SPDYE12: variants seen among roughly 807,000 people sequenced by gnomAD.
The protein encoded by SPDYE12 is speedy/RINGO cell cycle regulator family member E12.
chr7:74,909,184 G>A, the SPDYE12 span, among the ~76,000 whole-genome samples: 31 of 150,170 alleles, frequency 2.1e-4, no homozygotes, highest in Admixed American at 2.1e-3. Context: ...CTCCCAAGTA[G>A]CTTGGATTAC....
the SPDYE12 span, among the ~76,000 whole-genome samples, chr7:74,904,707 C>T: frequency 3.3e-5 from 5 of 150,378 alleles, 1 homozygote; most frequent in Admixed American, 2.0e-4. Context: ...GTTATAACAC[C>T]CATCACACAG....
At chr7:74,908,760 G>A in the SPDYE12 span, among the ~76,000 whole-genome samples, 4 of 119,076 alleles carry the variant, frequency 3.4e-5, no homozygotes, top group Admixed American at 1.1e-4. Flanking sequence ...TGCAAGCTCC[G>A]CCTCCCAGGT....
chr7:74,907,874 A>G, the SPDYE12 span, among the ~76,000 whole-genome samples: 37 of 148,726 alleles, frequency 2.5e-4, no homozygotes, highest in African/African-American at 8.3e-4. Flanking sequence ...GTGAGCTATG[A>G]TCTCACCACT....
At chr7:74,907,990 A>G in the SPDYE12 span, among the ~76,000 whole-genome samples, 5 of 150,834 alleles carry the variant, frequency 3.3e-5, no homozygotes, top group Non-Finnish European at 5.9e-5. Flanking sequence ...ATCTAGTCTA[A>G]TGGGACTGGG....
chr7:74,908,661 C>CTTTTTTTTTT, the SPDYE12 span, among the ~76,000 whole-genome samples: 7 of 58,596 alleles, frequency 1.2e-4, no homozygotes, highest in Non-Finnish European at 1.4e-4. Context: ...GTTTTTTGTT[C>CTTTTTTTTTT]TTTTTTTTTT....
chr7:74,908,565 G>A, the SPDYE12 span, among the ~76,000 whole-genome samples: 3,129 of 139,900 alleles, frequency 0.022, 101 homozygotes, highest in Non-Finnish European at 0.035. Flanking sequence ...GAGAAGAACC[G>A]GAAACGTCTG....
chr7:74,908,661 C>CTTT, the SPDYE12 span, among the ~76,000 whole-genome samples: 56 of 58,602 alleles, frequency 9.6e-4, 6 homozygotes, highest in Middle Eastern at 0.045. Flanking sequence ...GTTTTTTGTT[C>CTTT]TTTTTTTTTT....
chr7:74,909,696 G>C, the SPDYE12 span: 8 of 1,569,284 alleles, frequency 5.1e-6, 2 homozygotes. Context: ...TCTGGGGAGG[G>C]GCTGCCCATC....
At chr7:74,908,121 G>A in the SPDYE12 span, among the ~76,000 whole-genome samples, 1 of 146,254 alleles carries the variant, frequency 6.8e-6, no homozygotes, top group Non-Finnish European at 1.5e-5. Context: ...GGGGTGAACC[G>A]ACTTCAAGGA....
At chr7:74,904,783 GTAA>G in the SPDYE12 span, among the ~76,000 whole-genome samples, 28 of 148,660 alleles carry the variant, frequency 1.9e-4, no homozygotes, top group East Asian at 9.7e-4. Flanking sequence ...AATATTTAAA[GTAA>G]TAATAATATT....
At chr7:74,909,931 A>G in the SPDYE12 span, among the ~76,000 whole-genome samples, 1 of 149,786 alleles carries the variant, frequency 6.7e-6, no homozygotes, top group East Asian at 2.0e-4. Context: ...AGGAGCTGAG[A>G]GTAGAGGGCC....
chr7:74,909,443 A>T, the SPDYE12 span: 4 of 937,208 alleles, frequency 4.3e-6, no homozygotes. Flanking sequence ...TGAAAGAATA[A>T]ATGAAAGGCT....
chr7:74,907,769 A>ATAAC, the SPDYE12 span, among the ~76,000 whole-genome samples: 24 of 142,136 alleles, frequency 1.7e-4, no homozygotes, highest in African/African-American at 6.0e-4. Flanking sequence ...AAATAAATAA[A>ATAAC]TAACTGTCCA....
the SPDYE12 span, among the ~76,000 whole-genome samples, chr7:74,907,596 G>T: frequency 6.6e-6 from 1 of 150,556 alleles, no homozygotes; most frequent in East Asian, 1.9e-4. Context: ...GCCTGGTGCG[G>T]TGGCACACCC....
At chr7:74,910,962 T>G in the SPDYE12 span, 5 of 840,484 alleles carry the variant, frequency 5.9e-6, no homozygotes, top group African/African-American at 6.1e-5. Flanking sequence ...AGCAGGGCAG[T>G]GAGGAGAAGT....
chr7:74,910,550 C>T, the SPDYE12 span, among the ~76,000 whole-genome samples: 18 of 148,800 alleles, frequency 1.2e-4, no homozygotes, highest in Non-Finnish European at 4.5e-5. Flanking sequence ...ATTAGCCAGG[C>T]GTGGTGGTTC....
the SPDYE12 span, among the ~76,000 whole-genome samples, chr7:74,906,208 G>A: frequency 7.0e-6 from 1 of 142,282 alleles, no homozygotes; most frequent in Non-Finnish European, 1.5e-5. Flanking sequence ...TCATGACAAA[G>A]TCTCATGCTC....
chr7:74,909,487 G>C, the SPDYE12 span: 1 of 1,378,084 alleles, frequency 7.3e-7, no homozygotes, highest in Non-Finnish European at 1.0e-6. Flanking sequence ...CCAGGGCATT[G>C]GATATTGATG....
At chr7:74,909,032 GGTT>G in the SPDYE12 span, among the ~76,000 whole-genome samples, 134 of 30,352 alleles carry the variant, frequency 4.4e-3, 10 homozygotes, top group Non-Finnish European at 7.3e-3. Context: ...TTTTTTGCCT[GGTT>G]TTTTTTTTTT....
Sources: allele counts gnomAD v4.1 joint callset (sites outside exome capture counted in the v4.1 genomes callset), GRCh38; gene constraint gnomAD v4.1.1; transcripts MANE v1.5; gene names NCBI Gene and HGNC (gene_info 2026-07-23, HGNC 2026-07-21).